Variants in RNASET2 observed in about 807,000 individuals in gnomAD.
RNASET2 encodes ribonuclease T2, also known as ribonuclease 6.
A neutral mutation model predicts 33.9 loss-of-function variants in RNASET2; 28 were observed. The observed-to-expected ratio is 0.83, with a 90% CI of 0.61 to 1.13. RNASET2 has a LOEUF of 1.13. Among genes scored for constraint, RNASET2 ranks in the 50% most tolerant of loss-of-function variants. RNASET2 has a pLI of 0.00. For missense variants in RNASET2, 330 were observed against 319.9 expected, an observed-to-expected ratio of 1.03 and a Z score of -0.24; for synonymous variants, 123 against 121.0, an observed-to-expected ratio of 1.02 and a Z score of -0.11.
intron 8 of RNASET2, 140 bp from the exon 9 acceptor site, chr6:166,929,931 AC>A (rs1778379972): frequency 1.2e-6 from 1 of 809,540 alleles, no homozygotes; most frequent in Non-Finnish European, 2.0e-6. Flanking sequence ...CCAAGAACGG[AC>A]CCCTTCATTG....
rs1347268282 is a variant in RNASET2 at position 166,925,958 on chromosome 6, T to C, written c.*3630A>G. ...GAGCCGCCATACTGGGGAGGTGTGA[T>C]CTGGGAGCAGAGAGCCATGGTTGGT... On this transcript the variant is annotated 3_prime_UTR_variant, in exon 9 of 9. Coordinates refer to ENST00000508775, the MANE Select transcript of RNASET2 (RefSeq NM_003730.6). 6.6e-6 allele frequency among the ~76,000 whole-genome samples: 1 copy of C among 151,916 alleles called. No individual in the cohort carries two copies. Among genetic ancestry groups the C allele is most frequent in the Non-Finnish European group, 1.5e-5 (1 of 67,972 alleles).
chr6:166,943,529 G>C (rs1223265633), intron 4 of RNASET2: 1 of 331,114 alleles, frequency 3.0e-6, no homozygotes, highest in Admixed American at 4.5e-5. Flanking sequence ...ATTCGCGGTT[G>C]CTTGGGGGTT....
At position 166,955,267 on chromosome 6, in the gene RNASET2, ACACG is replaced by A. The variant is rs1562506929; in HGVS notation, c.86+826_86+829del. ...CACACACGCACACACGCACACACAC[ACACG>A]CGCACACACGACACACACGCACAGA... On this transcript the variant is annotated intron_variant, in intron 1 of 8. Coordinates refer to ENST00000508775, the MANE Select transcript of RNASET2 (RefSeq NM_003730.6). 4.6e-3 allele frequency among the ~76,000 whole-genome samples: 415 copies of A among 89,662 alleles called. 3 individuals carry two copies. The highest frequency in any genetic ancestry group is 0.017 in the African/African-American group (319 of 18,328). The allele number at this position is 89,662 out of a possible 152,430, so 58.8% of individuals were successfully genotyped here. A position where few individuals can be genotyped will look rare whatever the true frequency, so the allele number is the denominator to read the frequency against.
chr6:166,941,640 C>T lies in RNASET2; in HGVS notation c.332+1379G>A, dbSNP rs113389904. On this transcript the variant is annotated intron_variant, in intron 5 of 8. Transcript: ENST00000508775. Reference sequence around the variant, plus strand: ...TCCTAAGGCCACTTCACTGCCACACCGATGAACCAGAAAGGGGGACATCAC... The same window carrying T: ...TCCTAAGGCCACTTCACTGCCACACTGATGAACCAGAAAGGGGGACATCAC... Among the ~76,000 whole-genome samples the T allele has an allele frequency of 3.4e-3, 517 of 152,202 alleles. 3 individuals carry two copies. The highest frequency in any genetic ancestry group is 0.012 in the African/African-American group (492 of 41,524).
At chr6:166,932,565 C>T (rs1188439445) in intron 7 of RNASET2, 1 of 152,234 alleles carries the variant, frequency 6.6e-6, no homozygotes, top group Non-Finnish European at 1.5e-5. Flanking sequence ...CCTGGGTGCT[C>T]CCGCAGCCCT....
chr6:166,931,479 CG>C (rs1286969709), intron 7 of RNASET2: 1 of 351,404 alleles, frequency 2.8e-6, no homozygotes, highest in Non-Finnish European at 5.4e-6. Flanking sequence ...CTGCCTTTCG[CG>C]GCCCATAAAG....
chr6:166,931,685 C>CA, intron 7 of RNASET2: 1 of 167,528 alleles, frequency 6.0e-6, no homozygotes, highest in Non-Finnish European at 1.3e-5. Flanking sequence ...GGGAGTCCTC[C>CA]CCCACTGCTT....
chr6:166,934,835 C>A (rs137872519), intron 6 of RNASET2: 1 of 152,432 alleles, frequency 6.6e-6, no homozygotes, highest in African/African-American at 2.4e-5. Flanking sequence ...AATACATAAC[C>A]GTATGGTAAG....
At chr6:166,945,857 A>G (rs3777727) in intron 4 of RNASET2, among the ~76,000 whole-genome samples, 19,161 of 151,288 alleles carry the variant, frequency 0.13, 2,050 homozygotes, top group East Asian at 0.42. Flanking sequence ...AGAAAAGAAA[A>G]GAAAAAAAGA....
At chr6:166,930,325 TAC>T (rs142295185) in intron 8 of RNASET2, among the ~76,000 whole-genome samples, 4,818 of 147,420 alleles carry the variant, frequency 0.033, 103 homozygotes, top group Non-Finnish European at 0.049. Context: ...CATGCTCACA[TAC>T]ACAGATGTGC....
At chr6:166,953,032 C>T in intron 1 of RNASET2, 1 of 199,494 alleles carries the variant, frequency 5.0e-6, no homozygotes, top group Non-Finnish European at 1.0e-5. Context: ...TCGTTACTAC[C>T]CCAACTCAGT....
At chr6:166,950,074 A>G (rs1421151043) in intron 2 of RNASET2, among the ~76,000 whole-genome samples, 1 of 152,178 alleles carries the variant, frequency 6.6e-6, no homozygotes, top group Non-Finnish European at 1.5e-5. Context: ...ACCCATATTT[A>G]CATTCAGTGT....
chr6:166,955,544 C>CGACCT, intron 1 of RNASET2: 1 of 986,996 alleles, frequency 1.0e-6, no homozygotes, highest in East Asian at 1.1e-4. Flanking sequence ...ACGACTTCTT[C>CGACCT]GACCTCTGAG....
Position 166,928,356 on chromosome 6 carries a change from T to A in RNASET2, c.*1232A>T, listed in dbSNP as rs1246005939. ...ATTTCAGACTGTCTTGTAGACACCA[T>A]GAAGTGAGGTTTTGGTTTGAGCCAA... On this transcript the variant is annotated 3_prime_UTR_variant, in exon 9 of 9. Coordinates refer to ENST00000508775, the MANE Select transcript of RNASET2 (RefSeq NM_003730.6). Among the ~76,000 whole-genome samples the A allele has an allele frequency of 1.3e-5, 2 of 152,182 alleles. No individual in the cohort carries two copies. Among genetic ancestry groups the A allele is most frequent in the Non-Finnish European group, 2.9e-5 (2 of 68,040 alleles).
At chr6:166,940,514 T>C (rs1044736351) in intron 5 of RNASET2, among the ~76,000 whole-genome samples, 4 of 152,204 alleles carry the variant, frequency 2.6e-5, no homozygotes, top group African/African-American at 9.6e-5. Context: ...CTAATTGAAA[T>C]GTAACCTGAA....
chr6:166,942,122 G>A (rs534603283), intron 5 of RNASET2, among the ~76,000 whole-genome samples: 3 of 148,640 alleles, frequency 2.0e-5, no homozygotes, highest in Non-Finnish European at 3.0e-5. Flanking sequence ...GTGCAATCTC[G>A]GCTCACTGCA....
chr6:166,925,422 C>A lies in RNASET2; in HGVS notation c.*4166G>T, dbSNP rs999857214. ...CCCTCACCTCCCCTGTCCAGCCCGTCCTCACCTACACTGCACAGCCCTCAC... is the reference window on the plus strand; with the variant it reads ...CCCTCACCTCCCCTGTCCAGCCCGTACTCACCTACACTGCACAGCCCTCAC... On this transcript the variant is annotated 3_prime_UTR_variant, in exon 9 of 9. Transcript: ENST00000508775. Among the ~76,000 whole-genome samples the A allele has an allele frequency of 1.3e-5, 2 of 150,004 alleles. No homozygotes were observed. The highest frequency in any genetic ancestry group is 3.0e-5 in the Non-Finnish European group (2 of 67,476).
intron 5 of RNASET2, among the ~76,000 whole-genome samples, chr6:166,942,426 T>G (rs1363708288): frequency 6.6e-6 from 1 of 152,222 alleles, no homozygotes; most frequent in Non-Finnish European, 1.5e-5. Flanking sequence ...TGATATGGAC[T>G]AATTCTTAGA....
chr6:166,944,864 A>C (rs1778790613), intron 4 of RNASET2, among the ~76,000 whole-genome samples: 3 of 151,618 alleles, frequency 2.0e-5, no homozygotes, highest in Non-Finnish European at 4.4e-5. Flanking sequence ...CCCTCTGCCC[A>C]CCAGGCCCAC....
Sources: gnomAD v4.1 joint callset for allele counts (sites outside exome capture counted in the v4.1 genomes callset) on GRCh38, gnomAD v4.1.1 for gene constraint, MANE v1.5 for transcripts, NCBI Gene and HGNC (gene_info 2026-07-23, HGNC 2026-07-21) for gene names.